KCNQ3: variants seen among roughly 807,000 people sequenced by gnomAD.
The protein encoded by KCNQ3 is potassium voltage-gated channel subfamily Q member 3, also known as potassium voltage-gated channel subfamily KQT member 3.
Under a neutral mutation model 92.5 loss-of-function variants are expected in KCNQ3, and 30 were observed. That is an observed-to-expected ratio of 0.32 (90% CI 0.24 to 0.44). The LOEUF (loss-of-function observed/expected upper bound fraction) is 0.44, where lower values mean the gene tolerates loss of function less well. Ranked by LOEUF, KCNQ3 falls within the 20% of genes least tolerant of loss-of-function variation. The probability of loss-of-function intolerance (pLI) is 1.00; values close to 1 mark genes in which losing one functional copy is unlikely to be tolerated. For missense variants in KCNQ3, 913 were observed against 1,140.3 expected, an observed-to-expected ratio of 0.80 and a Z score of 2.87; for synonymous variants, 450 against 468.8, an observed-to-expected ratio of 0.96 and a Z score of 0.52.
intron 1 of KCNQ3, among the ~76,000 whole-genome samples, chr8:132,438,341 A>G (rs1208936370): frequency 3.9e-5 from 6 of 152,170 alleles, no homozygotes. Flanking sequence ...GCTGCTTCCA[A>G]ATGCAGTAGA....
chr8:132,351,473 G>A (rs1048904501), intron 1 of KCNQ3, among the ~76,000 whole-genome samples: 8 of 152,130 alleles, frequency 5.3e-5, no homozygotes, highest in Non-Finnish European at 7.4e-5. Context: ...AGAGACTGAC[G>A]GGCTCACCCC....
chr8:132,280,759 C>A (rs972551976), intron 1 of KCNQ3, among the ~76,000 whole-genome samples: 8 of 152,172 alleles, frequency 5.3e-5, no homozygotes, highest in African/African-American at 1.9e-4. Context: ...GTGCAAAAAT[C>A]AGAAGGTGGA....
chr8:132,285,059 A>G (rs1816639554), intron 1 of KCNQ3, among the ~76,000 whole-genome samples: 2 of 152,222 alleles, frequency 1.3e-5, no homozygotes, highest in Non-Finnish European at 2.9e-5. Flanking sequence ...TTATTCAGTC[A>G]TAGGTATTTT....
chr8:132,398,774 GGA>G (rs1820261480), intron 1 of KCNQ3, among the ~76,000 whole-genome samples: 1 of 152,202 alleles, frequency 6.6e-6, no homozygotes, highest in Non-Finnish European at 1.5e-5. Context: ...TGAAGCAAAG[GGA>G]GAGAAGGAAG....
intron 1 of KCNQ3, among the ~76,000 whole-genome samples, chr8:132,323,361 G>A (rs189005050): frequency 6.6e-6 from 1 of 152,292 alleles, no homozygotes; most frequent in East Asian, 1.9e-4. Context: ...CTGGAAGACG[G>A]CCATGCCATT....
intron 9 of KCNQ3, among the ~76,000 whole-genome samples, chr8:132,153,780 G>A (rs894430138): frequency 6.6e-6 from 1 of 152,050 alleles, no homozygotes; most frequent in Non-Finnish European, 1.5e-5. Context: ...ACACCCATGG[G>A]TGGCACCCTT....
intron 2 of KCNQ3, among the ~76,000 whole-genome samples, chr8:132,184,994 C>T (rs1311487711): frequency 6.6e-6 from 1 of 152,194 alleles, no homozygotes; most frequent in Non-Finnish European, 1.5e-5. Flanking sequence ...ACACAGGGTC[C>T]CCCTTTCCTC....
intron 1 of KCNQ3, among the ~76,000 whole-genome samples, chr8:132,230,609 G>A (rs140496371): frequency 5.9e-5 from 9 of 152,304 alleles, no homozygotes; most frequent in African/African-American, 2.2e-4. Flanking sequence ...AAAAACAAGA[G>A]TGTTATCCCA....
intron 1 of KCNQ3, among the ~76,000 whole-genome samples, chr8:132,335,893 T>C (rs1012898587): frequency 1.3e-5 from 2 of 152,150 alleles, no homozygotes; most frequent in Non-Finnish European, 2.9e-5. Flanking sequence ...CCTGAAGGAC[T>C]CCTGCACCTG....
chr8:132,403,183 C>CA (rs1158828337), intron 1 of KCNQ3, among the ~76,000 whole-genome samples: 4 of 151,780 alleles, frequency 2.6e-5, no homozygotes, highest in African/African-American at 4.8e-5. Context: ...AAAGATGCAC[C>CA]AAAAAAATCT....
chr8:132,193,901 G>A (rs1827232335), intron 1 of KCNQ3, among the ~76,000 whole-genome samples: 1 of 152,146 alleles, frequency 6.6e-6, no homozygotes, highest in African/African-American at 2.4e-5. Flanking sequence ...GGGAGAGCAG[G>A]GAAGGCAGCC....
At chr8:132,360,552 G>A (rs1819136170) in intron 1 of KCNQ3, among the ~76,000 whole-genome samples, 1 of 152,164 alleles carries the variant, frequency 6.6e-6, no homozygotes, top group Non-Finnish European at 1.5e-5. Context: ...ACCTCCCAGA[G>A]GCTCTTGAAG....
chr8:132,166,601 C>G (rs987897277), intron 8 of KCNQ3, among the ~76,000 whole-genome samples: 1 of 152,092 alleles, frequency 6.6e-6, no homozygotes, highest in African/African-American at 2.4e-5. Flanking sequence ...TCAGGTTTTT[C>G]TCATAGAAAA....
intron 1 of KCNQ3, among the ~76,000 whole-genome samples, chr8:132,312,410 C>A (rs558742414): frequency 6.6e-6 from 1 of 152,266 alleles, no homozygotes; most frequent in Non-Finnish European, 1.5e-5. Context: ...ACAGCTATGA[C>A]AGACTATGTC....
At chr8:132,338,427 G>A (rs1818426574) in intron 1 of KCNQ3, among the ~76,000 whole-genome samples, 1 of 152,206 alleles carries the variant, frequency 6.6e-6, no homozygotes, top group Admixed American at 6.5e-5. Context: ...CTCTCTGAGG[G>A]ATAATAAAAT....
At chr8:132,227,771 A>T (rs1192111733) in intron 1 of KCNQ3, among the ~76,000 whole-genome samples, 3 of 152,208 alleles carry the variant, frequency 2.0e-5, no homozygotes, top group Non-Finnish European at 4.4e-5. Context: ...TGGTCACACC[A>T]GTTATACGAG....
intron 9 of KCNQ3, among the ~76,000 whole-genome samples, chr8:132,156,444 C>G (rs1192588019): frequency 6.6e-6 from 1 of 152,096 alleles, no homozygotes; most frequent in African/African-American, 2.4e-5. Flanking sequence ...CCTAACTCTA[C>G]TACCTAGTTA....
intron 1 of KCNQ3, among the ~76,000 whole-genome samples, chr8:132,197,254 T>A (rs1827324858): frequency 6.6e-6 from 1 of 152,222 alleles, no homozygotes; most frequent in South Asian, 2.1e-4. Flanking sequence ...TGGGTGATGG[T>A]TGTGGTGGAG....
rs1820659261 is a variant in KCNQ3 at position 132,411,807 on chromosome 8, AGCTGTGG to A, written c.386+68333_386+68339del. ...TTTTCATTCTCTAAGCACAAGGACA[AGCTGTGG>A]GCTGCCGAGGTTTCTTTGACCATGG... On this transcript the variant is annotated intron_variant, in intron 1 of 14. Transcript: ENST00000388996. Among the ~76,000 whole-genome samples the A allele has an allele frequency of 2.6e-5, 4 of 152,178 alleles. No individual in the cohort carries two copies. In the South Asian group the frequency reaches 8.3e-4, roughly 31 times the overall value.
Sources: gnomAD v4.1 joint callset for allele counts (sites outside exome capture counted in the v4.1 genomes callset) on GRCh38, gnomAD v4.1.1 for gene constraint, MANE v1.5 for transcripts, NCBI Gene and HGNC (gene_info 2026-07-23, HGNC 2026-07-21) for gene names.